Variants in KCNJ3 observed in about 807,000 individuals in gnomAD.
The protein encoded by KCNJ3 is potassium inwardly rectifying channel subfamily J member 3, also known as G protein-activated inward rectifier potassium channel 1.
A neutral mutation model predicts 39.2 loss-of-function variants in KCNJ3; 4 were observed. The observed-to-expected ratio is 0.10, with a 90% CI of 0.05 to 0.23. The LOEUF is 0.23. Ranked by LOEUF, KCNJ3 falls within the 10% of genes least tolerant of loss-of-function variation. KCNJ3 has a pLI of 1.00. For missense variants in KCNJ3, 276 were observed against 634.9 expected (o/e 0.43, Z 6.08); for synonymous variants, 230 against 237.4 (o/e 0.97, Z 0.29).
intron 2 of KCNJ3, among the ~76,000 whole-genome samples, chr2:154,781,948 G>A (rs1336364880): frequency 1.3e-5 from 2 of 152,208 alleles, no homozygotes; most frequent in Non-Finnish European, 2.9e-5. Flanking sequence ...TCTAAGTTCA[G>A]TGGTTTTGAG....
intron 2 of KCNJ3, among the ~76,000 whole-genome samples, chr2:154,740,528 T>C (rs1685634819): frequency 6.6e-6 from 1 of 151,966 alleles, no homozygotes; most frequent in African/African-American, 2.4e-5. Context: ...TGTCACGCCC[T>C]AGATGAGACT....
intron 2 of KCNJ3, among the ~76,000 whole-genome samples, chr2:154,823,451 T>C (rs1687217112): frequency 6.6e-6 from 1 of 150,792 alleles, no homozygotes. Context: ...AGTCCAGCAA[T>C]AATCACGGTT....
chr2:154,736,374 TAAAAAAAAAA>T (rs70983745), intron 2 of KCNJ3, among the ~76,000 whole-genome samples: 1,301 of 92,608 alleles, frequency 0.014, 4 homozygotes, highest in Non-Finnish European at 0.019. Context: ...TCACTAGTTC[TAAAAAAAAAA>T]AAAAAAAAAA....
intron 2 of KCNJ3, among the ~76,000 whole-genome samples, chr2:154,747,169 A>T (rs1273845723): frequency 1.8e-4 from 28 of 152,018 alleles, no homozygotes; most frequent in Admixed American, 1.8e-3. Context: ...ATAATAGTTT[A>T]TAATTTGCCT....
rs1441586195 is a variant in KCNJ3 at position 154,857,070 on chromosome 2, A to G, written c.*1757A>G. The G allele has an allele frequency of 1.3e-5, 2 of 152,186 alleles. No individual in the cohort carries two copies. Among genetic ancestry groups the G allele is most frequent in the Non-Finnish European group, 2.9e-5 (2 of 68,030 alleles). The allele number at this position is 152,186 out of a possible 1,614,324, so 9.4% of individuals were successfully genotyped here. On this transcript the variant is annotated 3_prime_UTR_variant, in exon 3 of 3. Transcript: ENST00000295101. ...ATACCTTCTGGCTACCTCTGTATCA[A>G]CCAAATTCTGTAGGTGCAAACATAT...
chr2:154,782,728 C>T (rs1686460052), intron 2 of KCNJ3, among the ~76,000 whole-genome samples: 2 of 152,150 alleles, frequency 1.3e-5, no homozygotes, highest in African/African-American at 4.8e-5. Context: ...CAGTGTTCTA[C>T]AACTCAGATC....
At chr2:154,766,452 G>A (rs533315643) in intron 2 of KCNJ3, among the ~76,000 whole-genome samples, 2 of 151,790 alleles carry the variant, frequency 1.3e-5, no homozygotes, top group Admixed American at 6.5e-5. Context: ...CAAAGAAACC[G>A]GTATTGATTT....
At chr2:154,733,822 G>A (rs1235378224) in intron 2 of KCNJ3, among the ~76,000 whole-genome samples, 2 of 151,988 alleles carry the variant, frequency 1.3e-5, no homozygotes, top group South Asian at 2.1e-4. Flanking sequence ...GTTATTCTGG[G>A]GCATTTCATC....
At chr2:154,737,515 G>A (rs917686028) in intron 2 of KCNJ3, among the ~76,000 whole-genome samples, 5 of 152,046 alleles carry the variant, frequency 3.3e-5, no homozygotes, top group Admixed American at 1.3e-4. Context: ...ACGAGGAGGA[G>A]AAAAATCAAT....
At chr2:154,802,163 T>A (rs1412822611) in intron 2 of KCNJ3, among the ~76,000 whole-genome samples, 1 of 152,098 alleles carries the variant, frequency 6.6e-6, no homozygotes, top group Non-Finnish European at 1.5e-5. Flanking sequence ...TGTAATTTTT[T>A]TTTAGGTTTT....
At chr2:154,717,819 TATTA>T (rs1299023261) in intron 2 of KCNJ3, among the ~76,000 whole-genome samples, 1 of 152,224 alleles carries the variant, frequency 6.6e-6, no homozygotes, top group Non-Finnish European at 1.5e-5. Flanking sequence ...TGTTTAGCTT[TATTA>T]ATTATAATTA....
intron 2 of KCNJ3, among the ~76,000 whole-genome samples, chr2:154,839,785 G>T (rs1402383923): frequency 6.6e-6 from 1 of 151,482 alleles, no homozygotes; most frequent in Admixed American, 6.6e-5. Flanking sequence ...GGGGTTGTTT[G>T]TTTTTTTTCT....
chr2:154,818,326 G>T (rs1687115472), intron 2 of KCNJ3, among the ~76,000 whole-genome samples: 1 of 151,960 alleles, frequency 6.6e-6, no homozygotes, highest in Non-Finnish European at 1.5e-5. Flanking sequence ...GAAATGGCTA[G>T]GGAGGGAAAC....
intron 2 of KCNJ3, among the ~76,000 whole-genome samples, chr2:154,771,119 G>C (rs757065625): frequency 1.3e-5 from 2 of 151,960 alleles, no homozygotes; most frequent in Non-Finnish European, 2.9e-5. Flanking sequence ...TCAAACTCCT[G>C]ACCTCAAGTG....
At chr2:154,767,283 C>A (rs1217226300) in intron 2 of KCNJ3, among the ~76,000 whole-genome samples, 1 of 151,824 alleles carries the variant, frequency 6.6e-6, no homozygotes, top group Non-Finnish European at 1.5e-5. Flanking sequence ...TGTGCTGCAC[C>A]CATTAACTTG....
At chr2:154,761,019 G>A (rs550998415) in intron 2 of KCNJ3, among the ~76,000 whole-genome samples, 132 of 149,208 alleles carry the variant, frequency 8.8e-4, no homozygotes, top group African/African-American at 3.1e-3. Context: ...TTACAGGTGT[G>A]AGCCACCGTG....
intron 2 of KCNJ3, among the ~76,000 whole-genome samples, chr2:154,777,695 T>A (rs1361757316): frequency 6.6e-6 from 1 of 152,178 alleles, no homozygotes. Flanking sequence ...ATGTTTTAAT[T>A]TTTTTTCTTT....
intron 2 of KCNJ3, among the ~76,000 whole-genome samples, chr2:154,776,010 T>C (rs934449863): frequency 2.8e-4 from 43 of 151,960 alleles, no homozygotes; most frequent in Admixed American, 2.8e-3. Context: ...TGATTCTTTT[T>C]TTTTTTTTGA....
intron 2 of KCNJ3, among the ~76,000 whole-genome samples, chr2:154,761,769 A>T (rs2591169): frequency 0.27 from 40,684 of 152,088 alleles, 6,830 homozygotes; most frequent in South Asian, 0.46. Context: ...ATTATGTAAA[A>T]TGTAATTAGT....
Sources: allele counts gnomAD v4.1 joint callset (sites outside exome capture counted in the v4.1 genomes callset), GRCh38; gene constraint gnomAD v4.1.1; transcripts MANE v1.5; gene names NCBI Gene and HGNC (gene_info 2026-07-23, HGNC 2026-07-21).